Variants in FBN2 observed in about 807,000 individuals in gnomAD.
The protein encoded by FBN2 is fibrillin 2.
In FBN2, 105 loss-of-function variants were observed where a neutral mutation model predicts 355.6. That is an observed-to-expected ratio of 0.30 (90% CI 0.25 to 0.35). The LOEUF is 0.35. Among genes scored for constraint, FBN2 ranks in the 10% least tolerant of loss-of-function variants. FBN2 has a pLI of 1.00. For synonymous variants in FBN2, 1,350 were observed against 1,301.2 expected (o/e 1.04, Z -0.81); for missense variants, 3,280 against 3,758.7 (o/e 0.87, Z 3.33).
intron 7 of FBN2, among the ~76,000 whole-genome samples, chr5:128,412,957 T>C (rs1753109668): frequency 1.3e-5 from 2 of 152,134 alleles, no homozygotes; most frequent in African/African-American, 4.8e-5. Context: ...AGGAAGGACT[T>C]TGTCACCAGA....
At chr5:128,501,329 C>G (rs1157388104) in intron 5 of FBN2, among the ~76,000 whole-genome samples, 4 of 152,170 alleles carry the variant, frequency 2.6e-5, no homozygotes, top group Admixed American at 6.5e-5. Flanking sequence ...TTCCTTTCCT[C>G]ATAGGGGCTC....
intron 6 of FBN2, among the ~76,000 whole-genome samples, chr5:128,464,200 C>A (rs1304529204): frequency 6.6e-6 from 1 of 152,094 alleles, no homozygotes; most frequent in Non-Finnish European, 1.5e-5. Context: ...AGTGTCAAAA[C>A]CCAGAGATCA....
At chr5:128,366,069 C>CT (rs935500355) in intron 17 of FBN2, among the ~76,000 whole-genome samples, 107 of 151,996 alleles carry the variant, frequency 7.0e-4, no homozygotes, top group Admixed American at 1.4e-3. Flanking sequence ...ACTTATTCTT[C>CT]TTTTTTTAAC....
intron 11 of FBN2, among the ~76,000 whole-genome samples, chr5:128,391,353 T>C (rs1350993577): frequency 6.6e-6 from 1 of 152,174 alleles, no homozygotes; most frequent in Non-Finnish European, 1.5e-5. Context: ...AGAATCCAGC[T>C]GGCTTCTATT....
chr5:128,490,087 T>A (rs183078784), intron 5 of FBN2, among the ~76,000 whole-genome samples: 1 of 152,292 alleles, frequency 6.6e-6, no homozygotes, highest in Admixed American at 6.5e-5. Context: ...TACTTAGATA[T>A]GAATTCAACA....
At chr5:128,434,626 C>G (rs1753729493) in intron 7 of FBN2, among the ~76,000 whole-genome samples, 1 of 151,320 alleles carries the variant, frequency 6.6e-6, no homozygotes, top group Non-Finnish European at 1.5e-5. Flanking sequence ...TCTTCCCTGT[C>G]CCTCTCCTTC....
At chr5:128,437,935 G>A (rs1753817592) in intron 7 of FBN2, among the ~76,000 whole-genome samples, 1 of 152,258 alleles carries the variant, frequency 6.6e-6, no homozygotes, top group East Asian at 1.9e-4. Context: ...AATTTCAGTA[G>A]GCCATGTAGT....
chr5:128,406,589 C>A (rs1441330514), intron 8 of FBN2, among the ~76,000 whole-genome samples: 1 of 152,044 alleles, frequency 6.6e-6, no homozygotes, highest in Non-Finnish European at 1.5e-5. Context: ...ATAAGCACTG[C>A]GATACTGTCA....
At chr5:128,418,155 G>A (rs188508239) in intron 7 of FBN2, among the ~76,000 whole-genome samples, 1 of 151,982 alleles carries the variant, frequency 6.6e-6, no homozygotes, top group African/African-American at 2.4e-5. Flanking sequence ...GCATTCTGTG[G>A]TATCAGTTGT....
intron 5 of FBN2, among the ~76,000 whole-genome samples, chr5:128,498,756 A>G (rs1445065542): frequency 6.6e-6 from 1 of 152,350 alleles, no homozygotes; most frequent in Non-Finnish European, 1.5e-5. Context: ...GTACTTAAAA[A>G]GTGTGCAGGG....
chr5:128,343,649 G>A (rs889717564), intron 25 of FBN2, among the ~76,000 whole-genome samples: 1 of 152,128 alleles, frequency 6.6e-6, no homozygotes, highest in South Asian at 2.1e-4. Context: ...GAATGTTATG[G>A]GTATGGATGG....
chr5:128,442,303 C>T (rs539587071), intron 7 of FBN2: 3 of 456,288 alleles, frequency 6.6e-6, no homozygotes, highest in South Asian at 1.6e-5. Context: ...GGAATGTTAA[C>T]GAAGGTATAG....
chr5:128,344,784 T>C (rs1383720948), intron 24 of FBN2, among the ~76,000 whole-genome samples: 1 of 150,200 alleles, frequency 6.7e-6, no homozygotes, highest in Non-Finnish European at 1.5e-5. Context: ...CACTGCAACC[T>C]CCACCTCCCA....
chr5:128,295,069 C>T (rs1291809250), intron 48 of FBN2, among the ~76,000 whole-genome samples: 10 of 150,662 alleles, frequency 6.6e-5, no homozygotes, highest in Non-Finnish European at 1.5e-5. Context: ...GCCAGTTTTC[C>T]CAGCACCATT....
At chr5:128,340,769 G>GTTAAGACTA (rs1750992613) in intron 25 of FBN2, among the ~76,000 whole-genome samples, 1 of 152,066 alleles carries the variant, frequency 6.6e-6, no homozygotes, top group African/African-American at 2.4e-5. Flanking sequence ...GTTAAGTGCT[G>GTTAAGACTA]AGAACAGTGC....
intron 18 of FBN2, among the ~76,000 whole-genome samples, chr5:128,362,487 A>G (rs1319293710): frequency 6.6e-6 from 1 of 152,202 alleles, no homozygotes; most frequent in Non-Finnish European, 1.5e-5. Context: ...TTGAGACAGG[A>G]TCTCACTCTG....
intron 7 of FBN2, among the ~76,000 whole-genome samples, chr5:128,414,004 C>A (rs1753133772): frequency 6.6e-6 from 1 of 152,120 alleles, no homozygotes; most frequent in South Asian, 2.1e-4. Flanking sequence ...TTTCTAAAGA[C>A]AACAGGCAAT....
At chr5:128,388,167 A>T (rs976093785) in intron 11 of FBN2, among the ~76,000 whole-genome samples, 8 of 151,866 alleles carry the variant, frequency 5.3e-5, no homozygotes, top group Non-Finnish European at 8.8e-5. Context: ...AGCAACTCCC[A>T]CTGTTTTTGT....
intron 34 of FBN2, chr5:128,328,292 C>A (rs959922633): frequency 5.2e-6 from 2 of 385,766 alleles, no homozygotes; most frequent in Admixed American, 4.2e-5. Context: ...GTCTCAACCA[C>A]GAAGGTAAAT....
Sources: gnomAD v4.1 joint callset for allele counts (sites outside exome capture counted in the v4.1 genomes callset) on GRCh38, gnomAD v4.1.1 for gene constraint, MANE v1.5 for transcripts, NCBI Gene and HGNC (gene_info 2026-07-23, HGNC 2026-07-21) for gene names.